The following HIPK2 variants were observed in gnomAD, a reference collection of about 807,000 sequenced individuals.
The protein encoded by HIPK2 is homeodomain-interacting protein kinase 2.
In HIPK2, 27 loss-of-function variants were observed where a neutral mutation model predicts 113.7. That is an observed-to-expected ratio of 0.24 (90% CI 0.17 to 0.33). HIPK2 has a LOEUF of 0.33. Among genes scored for constraint, HIPK2 ranks in the 10% least tolerant of loss-of-function variants. HIPK2 has a pLI of 1.00. For missense variants in HIPK2, 1,257 were observed against 1,588.0 expected, an observed-to-expected ratio of 0.79 and a Z score of 3.54; for synonymous variants, 631 against 642.2, an observed-to-expected ratio of 0.98 and a Z score of 0.26.
intron 14 of HIPK2, among the ~76,000 whole-genome samples, chr7:139,573,847 CAAA>C (rs372877209): frequency 1.0e-5 from 1 of 100,242 alleles, no homozygotes. Flanking sequence ...AACTCTGTCT[CAAA>C]AAAAAAAAAA....
At chr7:139,759,560 C>T (rs1395498604) in intron 1 of HIPK2, among the ~76,000 whole-genome samples, 1 of 152,110 alleles carries the variant, frequency 6.6e-6, no homozygotes, top group African/African-American at 2.4e-5. Context: ...GCCATCATCA[C>T]ACATCAACAA....
At chr7:139,619,192 G>A (rs1800154292) in intron 7 of HIPK2, among the ~76,000 whole-genome samples, 3 of 152,210 alleles carry the variant, frequency 2.0e-5, no homozygotes, top group African/African-American at 7.2e-5. Context: ...GGGAAGGGGA[G>A]CGGCTGAAAA....
intron 2 of HIPK2, among the ~76,000 whole-genome samples, chr7:139,688,963 C>A (rs1182343498): frequency 6.6e-6 from 1 of 152,176 alleles, no homozygotes; most frequent in African/African-American, 2.4e-5. Flanking sequence ...TCCAGTCTTA[C>A]TAAGAGTTTA....
chr7:139,777,513 G>GGGGCTGCGGGCGCGGGGCCGC (rs1796799719), intron 1 of HIPK2, 92 bp downstream of exon 1: 1 of 469,356 alleles, frequency 2.1e-6, no homozygotes, highest in Non-Finnish European at 2.8e-6. Context: ...GCAGGCGCCG[G>GGGGCTGCGGGCGCGGGGCCGC]GGGCTGCGGG....
intron 1 of HIPK2, among the ~76,000 whole-genome samples, chr7:139,717,470 C>T (rs1357149825): frequency 6.6e-6 from 1 of 152,184 alleles, no homozygotes; most frequent in African/African-American, 2.4e-5. Flanking sequence ...AACATCTTCC[C>T]ACACAGGCCC....
chr7:139,724,286 A>G (rs1795504487), intron 1 of HIPK2, among the ~76,000 whole-genome samples: 3 of 152,172 alleles, frequency 2.0e-5, no homozygotes, highest in Admixed American at 2.0e-4. Context: ...GACATACTAA[A>G]TAATATTCAT....
intron 1 of HIPK2, among the ~76,000 whole-genome samples, chr7:139,721,600 A>G (rs964063658): frequency 3.3e-5 from 5 of 152,190 alleles, no homozygotes; most frequent in African/African-American, 1.2e-4. Flanking sequence ...TTCCCGCCTC[A>G]TTTGTCAATA....
chr7:139,669,947 A>G (rs1051906737), intron 2 of HIPK2, among the ~76,000 whole-genome samples: 13 of 152,230 alleles, frequency 8.5e-5, no homozygotes, highest in African/African-American at 3.1e-4. Flanking sequence ...TTTTGTGGCC[A>G]TGATTTTAAC....
chr7:139,602,949 A>G (rs1361489523), intron 10 of HIPK2, among the ~76,000 whole-genome samples: 1 of 152,114 alleles, frequency 6.6e-6, no homozygotes, highest in African/African-American at 2.4e-5. Flanking sequence ...ACTCAGCTCT[A>G]CATGGTTTGA....
intron 2 of HIPK2, among the ~76,000 whole-genome samples, chr7:139,679,288 C>A (rs776487030): frequency 6.6e-6 from 1 of 152,180 alleles, no homozygotes; most frequent in Non-Finnish European, 1.5e-5. Context: ...GCCTTAAACC[C>A]ATTCACCAGG....
At chr7:139,747,412 C>T (rs907097187) in intron 1 of HIPK2, among the ~76,000 whole-genome samples, 1 of 152,170 alleles carries the variant, frequency 6.6e-6, no homozygotes, top group African/African-American at 2.4e-5. Context: ...ACATCAAGGG[C>T]CGGCACTTGA....
rs946689635 is a variant in HIPK2 at position 139,635,038 on chromosome 7, T to A, written c.1104-3313A>T. On this transcript the variant is annotated intron_variant, in intron 2 of 14. Transcript: ENST00000406875. ...AAAAAAGTATTATGGTGTCAGAACC[T>A]GCTTTTCTCTCTGCCCTCCCTGTTC... Among the ~76,000 whole-genome samples the A allele has an allele frequency of 2.2e-4, 33 of 152,352 alleles. No individual in the cohort carries two copies. In the South Asian group the frequency reaches 5.8e-3, roughly 27 times the overall value.
At chr7:139,590,552 T>C (rs1798983711) in intron 12 of HIPK2, among the ~76,000 whole-genome samples, 1 of 152,230 alleles carries the variant, frequency 6.6e-6, no homozygotes, top group Admixed American at 6.5e-5. Flanking sequence ...TCTGATTTCA[T>C]AGTCAATGCT....
chr7:139,739,957 C>G (rs138424261), intron 1 of HIPK2, among the ~76,000 whole-genome samples: 476 of 152,298 alleles, frequency 3.1e-3, no homozygotes, highest in Non-Finnish European at 5.5e-3. Context: ...ATCCACTTGT[C>G]AGCTTATGGA....
rs1270191809 is a variant in HIPK2, at chr7:139,630,244, G to A, written c.1347+921C>T. Among the ~76,000 whole-genome samples, 1 of 152,082 alleles carries A rather than the reference G, an allele frequency of 6.6e-6. No homozygotes were observed. The highest frequency in any genetic ancestry group is 6.6e-5 in the Admixed American group (1 of 15,264). On this transcript the variant is annotated intron_variant, in intron 4 of 14. Transcript: ENST00000406875. The surrounding 1 kb of genome is among the most constrained non-coding windows in gnomAD (Gnocchi z 4.0). ...GAAGCCCCTGCCCCCGGAGTTTCAG[G>A]TTTATGGTTACTTGTGTGAACCAGA... is the stretch of plus-strand genomic sequence containing the variant.
In HIPK2 at chr7:139,573,147, G is replaced by T; in HGVS notation, c.3377C>A (p.Ser1126Tyr). 1 of 1,611,364 alleles carries T rather than the reference G, an allele frequency of 6.2e-7. No homozygotes were observed. Among genetic ancestry groups the T allele is most frequent in the Non-Finnish European group, 8.5e-7 (1 of 1,179,376 alleles). ...TVAHLVASQG[S>Y]ARHTVQHTAY... ...AGTGTGCTGCACGGTGTGGCGCGCA[G>T]AGCCTTGCGAGGCCACCAGGTGGGC... The change falls in exon 15 of 15, where the codon TCT (serine) becomes TAT (tyrosine). Residue 1126 changes from serine (S) to tyrosine (Y), a missense_variant. By Grantham distance (144) the Ser-to-Tyr change is moderately radical (BLOSUM62 -2). Transcript: ENST00000406875.
intron 1 of HIPK2, among the ~76,000 whole-genome samples, chr7:139,733,805 G>A (rs866480515): frequency 2.6e-4 from 39 of 152,164 alleles, no homozygotes; most frequent in African/African-American, 8.9e-4. Context: ...TAAGAAGTAC[G>A]CAAGAAGTAG....
chr7:139,568,838 G>A lies in HIPK2; in HGVS notation c.*4089C>T, dbSNP rs1798171720. 6.6e-6 allele frequency: 1 copy of A among 152,260 alleles called. No individual in the cohort carries two copies. The highest frequency in any genetic ancestry group is 2.4e-5 in the African/African-American group (1 of 41,456). 9.4% of individuals were successfully genotyped at this position (152,260 alleles called of 1,614,324 possible). A position where few individuals can be genotyped will look rare whatever the true frequency, so the allele number is the denominator to read the frequency against. On this transcript the variant is annotated 3_prime_UTR_variant, in exon 15 of 15. Coordinates refer to ENST00000406875, the MANE Select transcript of HIPK2 (RefSeq NM_022740.5). The stretch of plus-strand genomic sequence containing the variant: ...TTCTGATGTGGCAGCTCCATGCATG[G>A]GGGTAGAGGAGGCCATTGGGTGAGG...
At position 139,579,546 on chromosome 7, in the gene HIPK2, C is replaced by T. The variant is rs573114680; in HGVS notation, c.2966-4258G>A. Among the ~76,000 whole-genome samples the T allele has an allele frequency of 1.6e-4, 24 of 152,206 alleles. No homozygotes were observed. In the South Asian group the frequency reaches 3.1e-3, roughly 20 times the overall value. ...GATGAAATCAAAGTCAAAGAGGAGA[C>T]GCCTGAGGCTGGAGCCAGCAAGAAA... On this transcript the variant is annotated intron_variant, in intron 13 of 14. Coordinates refer to ENST00000406875, the MANE Select transcript of HIPK2 (RefSeq NM_022740.5).
Sources: gnomAD v4.1 joint callset for allele counts (sites outside exome capture counted in the v4.1 genomes callset) on GRCh38, gnomAD v4.1.1 for gene constraint, Gnocchi (gnomAD v3.1) non-coding constraint, MANE v1.5 for transcripts, NCBI Gene and HGNC (gene_info 2026-07-23, HGNC 2026-07-21) for gene names.